The following SGSM2 variants were observed in gnomAD, a reference collection of about 807,000 sequenced individuals.
SGSM2 encodes small G protein signaling modulator 2.
SGSM2 carries 89 observed loss-of-function variants against 126.6 expected under a neutral mutation model. That is an observed-to-expected ratio of 0.70 (90% CI 0.59 to 0.84). SGSM2 has a LOEUF of 0.84. SGSM2 is among the 40% of genes least tolerant of loss of function. The pLI, the probability that SGSM2 is intolerant of heterozygous loss-of-function variation, is 0.00. For synonymous variants in SGSM2, 614 were observed against 574.3 expected (o/e 1.07, Z -0.99); for missense variants, 1,404 against 1,416.6 (o/e 0.99, Z 0.14).
chr17:2,368,191 G>A (rs558119305), intron 12 of SGSM2, among the ~76,000 whole-genome samples: 3 of 152,234 alleles, frequency 2.0e-5, no homozygotes, highest in Admixed American at 2.0e-4. Flanking sequence ...CACCTTTGTT[G>A]GAGGTGATAG....
intron 2 of SGSM2, among the ~76,000 whole-genome samples, chr17:2,347,533 T>C (rs1434555024): frequency 3.3e-5 from 5 of 151,952 alleles, no homozygotes; most frequent in East Asian, 1.9e-4. Context: ...CTCTATCATA[T>C]GGTTTTTGGA....
intron 11 of SGSM2, 82 bp downstream of exon 11, chr17:2,365,423 G>A (rs1157273206): frequency 1.4e-6 from 2 of 1,439,154 alleles, no homozygotes; most frequent in Non-Finnish European, 1.8e-6. Context: ...CAGGAGGGCA[G>A]CAGGCAGGGC....
chr17:2,359,846 T>G (rs2065238587), intron 2 of SGSM2, among the ~76,000 whole-genome samples: 1 of 152,104 alleles, frequency 6.6e-6, no homozygotes, highest in South Asian at 2.1e-4. Flanking sequence ...CAGTGCTGCT[T>G]CTCTCCCCAC....
chr17:2,354,018 C>T (rs1426125366), intron 2 of SGSM2, among the ~76,000 whole-genome samples: 1 of 152,104 alleles, frequency 6.6e-6, no homozygotes, highest in Non-Finnish European at 1.5e-5. Context: ...AGCAATCCTC[C>T]CACCTCCACC....
intron 2 of SGSM2, among the ~76,000 whole-genome samples, chr17:2,343,913 A>G (rs1460713846): frequency 1.3e-5 from 2 of 152,126 alleles, no homozygotes; most frequent in Non-Finnish European, 2.9e-5. Flanking sequence ...CTGGGTCCCA[A>G]CCCTGGAGTT....
At chr17:2,377,496 A>C (rs559367158) in intron 21 of SGSM2, 27 of 196,172 alleles carry the variant, frequency 1.4e-4, no homozygotes, top group East Asian at 6.8e-4. Flanking sequence ...AAAAAAAAAA[A>C]AAAACCATGG....
At position 2,337,865 on chromosome 17, in the gene SGSM2, C is replaced by A; in HGVS notation, c.57+120C>A. 3.5e-6 allele frequency: 2 copies of A among 572,150 alleles called. No individual in the cohort carries two copies. Among genetic ancestry groups the A allele is most frequent in the Non-Finnish European group, 5.2e-6 (2 of 382,774 alleles). 35.4% of individuals were successfully genotyped at this position (572,150 alleles called of 1,614,324 possible). On this transcript the variant is annotated intron_variant, in intron 1 of 23. Coordinates refer to ENST00000268989, the MANE Select transcript of SGSM2 (RefSeq NM_014853.3). The surrounding 1 kb of genome is among the most constrained non-coding windows in gnomAD (Gnocchi z 5.1). The stretch of plus-strand genomic sequence containing the variant: ...CGGGCCGAACCTGGGCCGGGCGGGG[C>A]GGGTCCTGGACGGGCTGCGCCTCCT...
At position 2,339,875 on chromosome 17, in the gene SGSM2, G is replaced by C. The variant is rs937069297; in HGVS notation, c.57+2130G>C. Among the ~76,000 whole-genome samples the C allele has an allele frequency of 2.0e-5, 3 of 152,208 alleles. No homozygotes were observed. The East Asian group carries it at 5.8e-4, about 29-fold the overall frequency. ...GGAGAAGCTTCATTATGTCTTTGCT[G>C]TGAAGAGGCCCAAAAAAGGATTTCT... On this transcript the variant is annotated intron_variant, in intron 1 of 23. Transcript: ENST00000268989.
rs2064412840 is a variant in SGSM2, at chr17:2,342,443, A to G, written c.58-1102A>G. 2.0e-5 allele frequency among the ~76,000 whole-genome samples: 3 copies of G among 151,900 alleles called. No individual in the cohort carries two copies. The South Asian group carries it at 6.2e-4, about 32-fold the overall frequency. On this transcript the variant is annotated intron_variant, in intron 1 of 23. Transcript: ENST00000268989. ...CATTTCAGAAACAAACAAACAAAAA[A>G]AGTATAAAAACCCACAAAACTGTCG...
In SGSM2 at chr17:2,362,439, A is replaced by G. The variant is rs2065357934; in HGVS notation, c.458+169A>G. The stretch of plus-strand genomic sequence containing the variant: ...GCAGGTGACCGCCCCGTTCCCAAAA[A>G]CTGCAGGTGACCGCCCCGTTCCCCA... On this transcript the variant is annotated intron_variant, in intron 4 of 23. Coordinates refer to ENST00000268989, the MANE Select transcript of SGSM2 (RefSeq NM_014853.3). This position sits in a 1 kb window ranked among gnomAD's most constrained non-coding sequence, Gnocchi z 4.9. Among the ~76,000 whole-genome samples the G allele has an allele frequency of 7.3e-6, 1 of 136,378 alleles. No homozygotes were observed. The highest frequency in any genetic ancestry group is 2.4e-4 in the South Asian group (1 of 4,254). 89.5% of individuals were successfully genotyped at this position (136,378 alleles called of 152,430 possible).
Position 2,372,853 on chromosome 17 carries a change from A to G in SGSM2, c.1789-100A>G, listed in dbSNP as rs985412438. ...CCTTGCCTGGGCTTCAGCAGTCACT[A>G]CAGGCCCCGCCCCAGCCCATTCTCC... On this transcript the variant is annotated intron_variant, in intron 15 of 23. Transcript: ENST00000268989. This position sits in a 1 kb window ranked among gnomAD's most constrained non-coding sequence, Gnocchi z 6.0. The G allele has an allele frequency of 3.5e-5, 51 of 1,473,864 alleles. No homozygotes were observed. Among genetic ancestry groups the G allele is most frequent in the Non-Finnish European group, 1.2e-5 (13 of 1,099,696 alleles). The allele number at this position is 1,473,864 out of a possible 1,614,324, so 91.3% of individuals were successfully genotyped here.
intron 1 of SGSM2, among the ~76,000 whole-genome samples, chr17:2,341,240 C>A (rs936731517): frequency 6.6e-6 from 1 of 152,132 alleles, no homozygotes; most frequent in Admixed American, 6.5e-5. Context: ...GCCTCAGCCT[C>A]TTGAGTAGCT....
At chr17:2,346,686 G>T (rs530711509) in intron 2 of SGSM2, among the ~76,000 whole-genome samples, 5 of 152,234 alleles carry the variant, frequency 3.3e-5, no homozygotes, top group African/African-American at 1.2e-4. Context: ...GCGGCAGCAG[G>T]GGGGTGGGTG....
At chr17:2,364,767 C>A in intron 9 of SGSM2, 104 bp downstream of exon 9, 3 of 1,556,096 alleles carry the variant, frequency 1.9e-6, no homozygotes, top group Non-Finnish European at 8.8e-7. Context: ...TCCTCCCATC[C>A]TTGTTAATGG....
At position 2,379,127 on chromosome 17, in the gene SGSM2, C is replaced by T. The variant is rs768345515; in HGVS notation, c.2991C>T (p.Leu997=). The change falls in exon 23 of 24, where the codon CTC becomes CTT. Residue 997 remains leucine (L), a synonymous_variant. Coordinates refer to ENST00000268989, the MANE Select transcript of SGSM2 (RefSeq NM_014853.3). ...AGCACTTTGTCCTGTTCATCGCCCT[C>T]GCCCTGGTGGAGGCCTACCGAGAGA... The part of the protein sequence containing the change: ...SSEHFVLFIA[L]ALVEAYREII... 10 of 1,614,102 alleles carry T rather than the reference C, an allele frequency of 6.2e-6. No individual in the cohort carries two copies. The highest frequency in any genetic ancestry group is 1.6e-4 in the Middle Eastern group (1 of 6,082).
Position 2,364,120 on chromosome 17 carries a change from C to A in SGSM2, c.869C>A (p.Thr290Asn). 1 of 1,614,062 alleles carries A rather than the reference C, an allele frequency of 6.2e-7. No homozygotes were observed. The highest frequency in any genetic ancestry group is 1.1e-5 in the South Asian group (1 of 91,076). Residue 290 changes from threonine to asparagine, a missense_variant, in exon 8 of 24, where the codon ACT becomes AAT. Thr to Asn is a moderately conservative substitution (Grantham distance 65). Transcript: ENST00000268989. ...LSLHQSAESL[T>N]LKWTPNQLMN... is the part of the protein sequence containing the mutation. The stretch of plus-strand genomic sequence containing the variant: ...CTGCACCAGTCTGCAGAGAGCCTGA[C>A]TCTGAAGTGGACCCCCAACCAGCTC...
intron 2 of SGSM2, among the ~76,000 whole-genome samples, chr17:2,346,064 T>C (rs1326856303): frequency 1.3e-5 from 2 of 152,128 alleles, no homozygotes; most frequent in African/African-American, 2.4e-5. Context: ...TCTCCCTCAG[T>C]CCCTGGAAAA....
rs955581844 is a variant in SGSM2, at chr17:2,364,956, T to C, written c.1060T>C (p.Phe354Leu). ...TGGCATCCAGAGGCCGCCGCTGCAT[T>C]TCCCACAGGGAGGACACCTGCTGTC... ...QDGIQRPPLHFPQGGHLLSFL... is the reference protein window; with the variant it reads ...QDGIQRPPLHLPQGGHLLSFL... Residue 354 changes from phenylalanine (F) to leucine (L), a missense_variant, in exon 10 of 24, where the codon TTC (phenylalanine) becomes CTC (leucine). Phe to Leu is a conservative substitution (Grantham distance 22). Coordinates refer to ENST00000268989, the MANE Select transcript of SGSM2 (RefSeq NM_014853.3). 2 of 1,613,338 alleles carry C rather than the reference T, an allele frequency of 1.2e-6. No individual in the cohort carries two copies. Among genetic ancestry groups the C allele is most frequent in the African/African-American group, 2.7e-5 (2 of 74,934 alleles).
chr17:2,376,866 G>T (rs760031700), intron 20 of SGSM2, 51 bp downstream of exon 20: 1 of 1,610,672 alleles, frequency 6.2e-7, no homozygotes, highest in Non-Finnish European at 8.5e-7. Flanking sequence ...GAGAAAGGAC[G>T]AGAGGGTGGC....
Sources: gnomAD v4.1 joint callset for allele counts (sites outside exome capture counted in the v4.1 genomes callset) on GRCh38, gnomAD v4.1.1 for gene constraint, Gnocchi (gnomAD v3.1) non-coding constraint, MANE v1.5 for transcripts, NCBI Gene and HGNC (gene_info 2026-07-23, HGNC 2026-07-21) for gene names.